The following CACNA2D3 variants were observed in gnomAD, a reference collection of about 807,000 sequenced individuals.
The protein encoded by CACNA2D3 is calcium voltage-gated channel auxiliary subunit alpha2delta 3.
CACNA2D3 carries 60 observed loss-of-function variants against 160.6 expected under a neutral mutation model. The ratio of observed to expected loss-of-function variants is 0.37; its 90% CI spans 0.30 to 0.46. CACNA2D3 has a LOEUF of 0.46. CACNA2D3 is among the 20% of genes least tolerant of loss of function. The pLI is 1.00. For missense variants in CACNA2D3, 1,205 were observed against 1,365.0 expected, an observed-to-expected ratio of 0.88 and a Z score of 1.85; for synonymous variants, 558 against 492.9, an observed-to-expected ratio of 1.13 and a Z score of -1.75.
intron 4 of CACNA2D3, among the ~76,000 whole-genome samples, chr3:54,453,324 G>A (rs1421587072): frequency 6.6e-6 from 1 of 152,114 alleles, no homozygotes; most frequent in South Asian, 2.1e-4. Flanking sequence ...GGTTATATTG[G>A]ATTTAGGGCT....
At chr3:54,317,504 G>A (rs1044964863) in intron 2 of CACNA2D3, among the ~76,000 whole-genome samples, 1 of 152,146 alleles carries the variant, frequency 6.6e-6, no homozygotes, top group African/African-American at 2.4e-5. Context: ...GGCAAGGAGA[G>A]CCAAGCCTGA....
intron 5 of CACNA2D3, among the ~76,000 whole-genome samples, chr3:54,509,310 T>C (rs1701421470): frequency 6.7e-6 from 1 of 150,130 alleles, no homozygotes; most frequent in Non-Finnish European, 1.5e-5. Context: ...TGTGTGTGTG[T>C]GTTTGAGAGA....
intron 11 of CACNA2D3, among the ~76,000 whole-genome samples, chr3:54,645,219 A>G (rs541923178): frequency 3.9e-5 from 6 of 152,204 alleles, no homozygotes; most frequent in African/African-American, 1.4e-4. Flanking sequence ...AGAGCCTCTT[A>G]TGAAACCATT....
chr3:54,130,631 G>T (rs1868511), intron 2 of CACNA2D3, among the ~76,000 whole-genome samples: 120,477 of 152,146 alleles, frequency 0.79, 47,916 homozygotes, highest in East Asian at 0.89. Flanking sequence ...AGCTGAGGCT[G>T]GCAGAACTGA....
At chr3:54,816,896 G>T (rs753012150) in intron 14 of CACNA2D3, 26 bp downstream of exon 14, 3 of 1,613,344 alleles carry the variant, frequency 1.9e-6, no homozygotes, top group East Asian at 4.5e-5. Flanking sequence ...TCACATTCCA[G>T]TCACCCCCAG....
At chr3:55,051,397 G>C (rs1046397481) in intron 35 of CACNA2D3, among the ~76,000 whole-genome samples, 2 of 151,488 alleles carry the variant, frequency 1.3e-5, no homozygotes, top group Admixed American at 6.6e-5. Flanking sequence ...CTGGGGGGGT[G>C]CCTCCCAGTT....
At chr3:54,355,142 A>G (rs1698627229) in intron 3 of CACNA2D3, among the ~76,000 whole-genome samples, 1 of 152,202 alleles carries the variant, frequency 6.6e-6, no homozygotes, top group South Asian at 2.1e-4. Context: ...GTGGGAGATC[A>G]GGGGCAGTCT....
chr3:54,597,542 G>A (rs745789461), intron 9 of CACNA2D3, among the ~76,000 whole-genome samples: 2 of 152,154 alleles, frequency 1.3e-5, no homozygotes, highest in African/African-American at 2.4e-5. Context: ...ACATAGGTAA[G>A]TGAATGGATA....
At position 54,668,490 on chromosome 3, in the gene CACNA2D3, A is replaced by G. The variant is rs573172821; in HGVS notation, c.1167+26249A>G. Among the ~76,000 whole-genome samples, 19 of 152,332 alleles carry G rather than the reference A, an allele frequency of 1.2e-4. No homozygotes were observed. In the South Asian group the frequency reaches 3.9e-3, roughly 32 times the overall value. On this transcript the variant is annotated intron_variant, in intron 11 of 37. Transcript: ENST00000474759. Reference sequence around the variant, plus strand: ...GTGGCCTTTTGCTGTGTTTAATTACAGTGGCAAAATCTCAGTCACTGTTTA... The same window carrying G: ...GTGGCCTTTTGCTGTGTTTAATTACGGTGGCAAAATCTCAGTCACTGTTTA...
rs141815470 is a variant in CACNA2D3 at position 54,188,594 on chromosome 3, G to C, written c.204+65000G>C. On this transcript the variant is annotated intron_variant, in intron 2 of 37. Coordinates refer to ENST00000474759, the MANE Select transcript of CACNA2D3 (RefSeq NM_018398.3). ...ACTTGGAGTTGGAATCCAACCATAG[G>C]GTTGCTCCTGCTGTTGGAGCAAATG... Among the ~76,000 whole-genome samples the C allele has an allele frequency of 2.6e-5, 4 of 152,254 alleles. No individual in the cohort carries two copies. The East Asian group carries it at 7.7e-4, about 29-fold the overall frequency.
chr3:54,991,614 C>G (rs1702745348), intron 31 of CACNA2D3, among the ~76,000 whole-genome samples: 1 of 148,540 alleles, frequency 6.7e-6, no homozygotes, highest in African/African-American at 2.6e-5. Flanking sequence ...TGTCATGTAT[C>G]TAGGGAAAAG....
chr3:54,405,998 A>G (rs547391842), intron 4 of CACNA2D3, among the ~76,000 whole-genome samples: 5 of 152,264 alleles, frequency 3.3e-5, no homozygotes, highest in African/African-American at 9.6e-5. Flanking sequence ...ACTGTGCAAT[A>G]TCACTTCACA....
intron 4 of CACNA2D3, among the ~76,000 whole-genome samples, chr3:54,432,552 C>T (rs1181312934): frequency 6.6e-6 from 1 of 152,158 alleles, no homozygotes; most frequent in Non-Finnish European, 1.5e-5. Flanking sequence ...AAAGTACTGA[C>T]ATCGCATTCT....
At chr3:54,793,819 G>A (rs1702810656) in intron 13 of CACNA2D3, among the ~76,000 whole-genome samples, 1 of 152,146 alleles carries the variant, frequency 6.6e-6, no homozygotes, top group Non-Finnish European at 1.5e-5. Context: ...CTTCTTGAAT[G>A]TTTGTTAGAA....
intron 2 of CACNA2D3, among the ~76,000 whole-genome samples, chr3:54,288,924 A>C (rs1703108861): frequency 6.6e-6 from 1 of 152,208 alleles, no homozygotes; most frequent in South Asian, 2.1e-4. Flanking sequence ...GTATCTCAAA[A>C]TAATAAGAGC....
At chr3:54,354,751 A>G (rs1027302212) in intron 3 of CACNA2D3, among the ~76,000 whole-genome samples, 1 of 152,204 alleles carries the variant, frequency 6.6e-6, no homozygotes. Flanking sequence ...CCCTTGGGCT[A>G]CTTGGTTCTC....
intron 25 of CACNA2D3, among the ~76,000 whole-genome samples, chr3:54,896,223 T>G (rs565215298): frequency 6.6e-6 from 1 of 152,272 alleles, no homozygotes; most frequent in South Asian, 2.1e-4. Context: ...CAGGCCTGTT[T>G]GTCCAGCGAG....
chr3:54,747,317 C>T (rs912591495), intron 11 of CACNA2D3, among the ~76,000 whole-genome samples: 1 of 152,112 alleles, frequency 6.6e-6, no homozygotes, highest in East Asian at 1.9e-4. Flanking sequence ...AGTTTGAGGA[C>T]TCTCACTGCC....
At chr3:54,722,553 A>G (rs1040340696) in intron 11 of CACNA2D3, among the ~76,000 whole-genome samples, 2 of 151,966 alleles carry the variant, frequency 1.3e-5, no homozygotes, top group Non-Finnish European at 2.9e-5. Flanking sequence ...GGAGTTATCT[A>G]CCTTTGGTCT....
Sources: gnomAD v4.1 joint callset for allele counts (sites outside exome capture counted in the v4.1 genomes callset) on GRCh38, gnomAD v4.1.1 for gene constraint, MANE v1.5 for transcripts, NCBI Gene and HGNC (gene_info 2026-07-23, HGNC 2026-07-21) for gene names.